The following TCTN3 variants were observed in gnomAD, a reference collection of about 807,000 sequenced individuals.
The protein encoded by TCTN3 is tectonic family member 3.
Under a neutral mutation model 71.3 loss-of-function variants are expected in TCTN3, and 57 were observed. The observed-to-expected ratio is 0.80, with a 90% CI of 0.65 to 1.00. The LOEUF (loss-of-function observed/expected upper bound fraction) is 1.00, where lower values mean the gene tolerates loss of function less well. Ranked by LOEUF, TCTN3 falls within the 50% of genes least tolerant of loss-of-function variation. TCTN3 has a pLI of 0.00. For synonymous variants in TCTN3, 258 were observed against 267.8 expected (o/e 0.96, Z 0.36); for missense variants, 696 against 719.9 (o/e 0.97, Z 0.38).
At position 95,680,525 on chromosome 10, in the gene TCTN3, G is replaced by A. The variant is rs755942179; in HGVS notation, c.1537C>T (p.Pro513Ser). The change falls in exon 13 of 14, where the codon CCG (proline) becomes TCG (serine). Residue 513 changes from proline (P) to serine (S), a missense_variant. Physicochemically the swap from Pro to Ser is moderately conservative, Grantham distance 74. Transcript: ENST00000371217. ...LWAYVGLLSN[P>S]QAHVSGVRFL... Reference sequence around the variant, plus strand: ...CGAACTCCTGATACATGAGCTTGCGGGTTGGACAGGAGACCTACATATGCC... The same window carrying A: ...CGAACTCCTGATACATGAGCTTGCGAGTTGGACAGGAGACCTACATATGCC... 77 of 1,614,032 alleles carry A rather than the reference G, an allele frequency of 4.8e-5. No individual in the cohort carries two copies. The Admixed American group carries it at 1.3e-3, about 27-fold the overall frequency.
In TCTN3 at chr10:95,687,697, C is replaced by T. The variant is rs2097949804; in HGVS notation, c.522G>A (p.Lys174=). Residue 174 remains lysine (K), a synonymous_variant, in exon 4 of 14, where the codon AAG becomes AAA. Transcript: ENST00000371217. ...AGTTGGTTGCATTGACCTTTTGAAG[C>T]TTCTGGAAATAGTTTAAGTTTGCTA... is the stretch of plus-strand genomic sequence containing the variant. ...VNNSNLNYFQ[K]LQKVNATNFQ... is the part of the protein sequence containing the mutation. 6.2e-7 allele frequency: 1 copy of T among 1,613,846 alleles called. No homozygotes were observed. Among genetic ancestry groups the T allele is most frequent in the Non-Finnish European group, 8.5e-7 (1 of 1,179,874 alleles).
chr10:95,693,683 G>C lies in TCTN3; in HGVS notation c.217C>G (p.Pro73Ala). Residue 73 changes from proline to alanine, a missense_variant, in exon 1 of 14, where the codon CCC becomes GCC. Transcript: ENST00000371217. ...ACAGTCCTATTCCCAGGGGCCGAGG[G>C]AGTCACGAGAGTAGGGACCACTGTA... Reference protein sequence around the residue: ...LPTVVPTLVTPSAPGNRTVDL... With the variant: ...LPTVVPTLVTASAPGNRTVDL... 1 of 1,551,708 alleles carries C rather than the reference G, an allele frequency of 6.4e-7. No individual in the cohort carries two copies. Among genetic ancestry groups the C allele is most frequent in the Non-Finnish European group, 8.7e-7 (1 of 1,147,006 alleles).
At chr10:95,686,819 G>A (rs1329103443) in intron 6 of TCTN3, among the ~76,000 whole-genome samples, 3 of 152,148 alleles carry the variant, frequency 2.0e-5, no homozygotes, top group African/African-American at 7.2e-5. Context: ...TTCCACCCTC[G>A]CAAGCCAATC....
chr10:95,687,008 T>C, intron 6 of TCTN3, 36 bp downstream of exon 6: 1 of 1,524,538 alleles, frequency 6.6e-7, no homozygotes, highest in Non-Finnish European at 9.1e-7. Flanking sequence ...TTCAACTTCA[T>C]AGTAGTGACA....
intron 13 of TCTN3, among the ~76,000 whole-genome samples, chr10:95,679,639 T>C (rs1258191668): frequency 2.8e-5 from 4 of 141,438 alleles, no homozygotes; most frequent in African/African-American, 1.0e-4. Flanking sequence ...TCGCCCAGGC[T>C]GGAGTGCAGT....
At chr10:95,668,331 T>C (rs1159241078) in intron 13 of TCTN3, among the ~76,000 whole-genome samples, 2 of 147,860 alleles carry the variant, frequency 1.4e-5, no homozygotes, top group Admixed American at 6.8e-5. Context: ...TAATAGAAAA[T>C]TCTCAGAACT....
At chr10:95,692,881 G>T in intron 3 of TCTN3, 39 bp downstream of exon 3, 1 of 1,462,156 alleles carries the variant, frequency 6.8e-7, no homozygotes, top group Non-Finnish European at 9.6e-7. Flanking sequence ...TAACACTCCT[G>T]TGTTAGAAAA....
At chr10:95,689,343 A>C (rs1317385884) in intron 3 of TCTN3, among the ~76,000 whole-genome samples, 1 of 152,208 alleles carries the variant, frequency 6.6e-6, no homozygotes, top group Non-Finnish European at 1.5e-5. Flanking sequence ...CATTGCTCTG[A>C]AACAGGTGAT....
At chr10:95,687,831 T>A in intron 3 of TCTN3, 112 bp from the exon 4 acceptor site, 1 of 1,270,490 alleles carries the variant, frequency 7.9e-7, no homozygotes, top group East Asian at 2.5e-5. Context: ...AAATCTTAAG[T>A]GTAAACTCAA....
Position 95,682,673 on chromosome 10 carries a change from A to G in TCTN3, c.1430T>C (p.Leu477Pro). The G allele has an allele frequency of 1.2e-6, 2 of 1,613,948 alleles. No individual in the cohort carries two copies. Among genetic ancestry groups the G allele is most frequent in the Non-Finnish European group, 1.7e-6 (2 of 1,179,946 alleles). The change falls in exon 12 of 14, where the codon CTC becomes CCC. Residue 477 changes from leucine (L) to proline (P), a missense_variant. Coordinates refer to ENST00000371217, the MANE Select transcript of TCTN3 (RefSeq NM_015631.6). The stretch of plus-strand genomic sequence containing the variant: ...TACTGAAATGCTGCAGTGCCTGTTG[A>G]GGATCCTGGTCCACCCTCCTTTCTG... Reference protein sequence around the residue: ...PAQKGGWTRILNRHCSISAIN... With the variant: ...PAQKGGWTRIPNRHCSISAIN...
chr10:95,671,106 ACT>A (rs1250584708), intron 13 of TCTN3, among the ~76,000 whole-genome samples: 1 of 152,346 alleles, frequency 6.6e-6, no homozygotes, highest in East Asian at 1.9e-4. Flanking sequence ...TAGAGAATTC[ACT>A]GTTTATTTAG....
intron 13 of TCTN3, among the ~76,000 whole-genome samples, chr10:95,678,470 T>C (rs533917640): frequency 4.1e-5 from 6 of 147,254 alleles, no homozygotes; most frequent in South Asian, 2.2e-4. Flanking sequence ...GAGGCGAAGG[T>C]TGCAGTGAGC....
At chr10:95,679,109 G>GA (rs1195088732) in intron 13 of TCTN3, among the ~76,000 whole-genome samples, 1 of 152,162 alleles carries the variant, frequency 6.6e-6, no homozygotes, top group African/African-American at 2.4e-5. Context: ...CAGTTAAAGT[G>GA]AATGACTGTA....
At chr10:95,688,397 G>A (rs112326070) in intron 3 of TCTN3, among the ~76,000 whole-genome samples, 4,020 of 104,088 alleles carry the variant, frequency 0.039, 18 homozygotes, top group Middle Eastern at 0.056. Flanking sequence ...TCAAAAAAAA[G>A]AAAAAAAAAA....
intron 13 of TCTN3, among the ~76,000 whole-genome samples, chr10:95,671,854 C>T (rs1183923127): frequency 6.6e-6 from 1 of 152,120 alleles, no homozygotes; most frequent in Non-Finnish European, 1.5e-5. Context: ...CCTTGGTCTC[C>T]CAAAGTGCTG....
At chr10:95,682,608 G>A (rs779865803) in intron 12 of TCTN3, 43 bp downstream of exon 12, 2 of 1,587,294 alleles carry the variant, frequency 1.3e-6, no homozygotes, top group Admixed American at 1.8e-5. Context: ...TTTACAAAGG[G>A]GTAAAAATGA....
At chr10:95,667,513 A>C (rs1017908166) in intron 13 of TCTN3, among the ~76,000 whole-genome samples, 4 of 152,232 alleles carry the variant, frequency 2.6e-5, no homozygotes, top group Non-Finnish European at 5.9e-5. Context: ...GATGAGGGGC[A>C]GATGGAAAAT....
intron 13 of TCTN3, among the ~76,000 whole-genome samples, chr10:95,670,535 TA>T (rs1249960885): frequency 1.3e-5 from 2 of 151,622 alleles, no homozygotes; most frequent in Non-Finnish European, 2.9e-5. Context: ...ATTTTTTGTA[TA>T]TTTTTTTTTT....
intron 13 of TCTN3, among the ~76,000 whole-genome samples, chr10:95,670,348 ATTTTAT>A (rs141942377): frequency 0.84 from 125,784 of 150,432 alleles, 53,049 homozygotes; most frequent in Non-Finnish European, 0.91. Context: ...GACCTACTTT[ATTTTAT>A]TTTTATTTTT....
Sources: gnomAD v4.1 joint callset for allele counts (sites outside exome capture counted in the v4.1 genomes callset) on GRCh38, gnomAD v4.1.1 for gene constraint, MANE v1.5 for transcripts, NCBI Gene and HGNC (gene_info 2026-07-23, HGNC 2026-07-21) for gene names.